DIAPH3: variants seen among roughly 807,000 people sequenced by gnomAD.
DIAPH3 encodes the protein diaphanous related formin 3.
A neutral mutation model predicts 144.3 loss-of-function variants in DIAPH3; 117 were observed. That is an observed-to-expected ratio of 0.81 (90% CI 0.70 to 0.95). DIAPH3 has a LOEUF of 0.95. Among genes scored for constraint, DIAPH3 ranks in the 40% least tolerant of loss-of-function variants. The pLI, the probability that DIAPH3 is intolerant of heterozygous loss-of-function variation, is 0.00. For synonymous variants in DIAPH3, 519 were observed against 488.9 expected (o/e 1.06, Z -0.81); for missense variants, 1,421 against 1,412.7 (o/e 1.01, Z -0.09).
At chr13:60,013,277 T>C in intron 7 of DIAPH3, 3 of 940,538 alleles carry the variant, frequency 3.2e-6, no homozygotes, top group Non-Finnish European at 3.8e-6. Context: ...GATGATGTTT[T>C]AGGTAGAGGA....
At chr13:59,833,364 C>G in intron 23 of DIAPH3, 93 bp from the exon 24 acceptor site, 1 of 946,918 alleles carries the variant, frequency 1.1e-6, no homozygotes, top group Non-Finnish European at 1.6e-6. Flanking sequence ...CTAATAGCCA[C>G]CATTACTATA....
chr13:59,977,628 C>T (rs922126886), intron 14 of DIAPH3, among the ~76,000 whole-genome samples: 17 of 151,676 alleles, frequency 1.1e-4, no homozygotes, highest in African/African-American at 4.1e-4. Flanking sequence ...CAAGCGAGAA[C>T]TGAAGGCCTT....
chr13:59,790,541 T>C (rs2039273732), intron 25 of DIAPH3, among the ~76,000 whole-genome samples: 1 of 152,236 alleles, frequency 6.6e-6, no homozygotes, highest in Non-Finnish European at 1.5e-5. Context: ...TGCAGATTTA[T>C]TCTGCCCAAA....
intron 5 of DIAPH3, among the ~76,000 whole-genome samples, chr13:60,022,137 A>G: frequency 6.6e-6 from 1 of 152,194 alleles, no homozygotes; most frequent in Non-Finnish European, 1.5e-5. Flanking sequence ...GATAAGTTCT[A>G]GGAGTTTTTG....
intron 2 of DIAPH3, among the ~76,000 whole-genome samples, chr13:60,114,256 C>A (rs1395927975): frequency 7.1e-6 from 1 of 141,208 alleles, no homozygotes. Flanking sequence ...ATTTCAGCAG[C>A]AAAGTCACAG....
chr13:60,005,844 TAATAA>T (rs2052837624), intron 9 of DIAPH3, among the ~76,000 whole-genome samples: 2 of 152,304 alleles, frequency 1.3e-5, no homozygotes, highest in South Asian at 4.1e-4. Flanking sequence ...CTAGAGCTGT[TAATAA>T]AAGAAATTAA....
At chr13:59,870,144 GA>G (rs2044169670) in intron 21 of DIAPH3, among the ~76,000 whole-genome samples, 1 of 150,156 alleles carries the variant, frequency 6.7e-6, no homozygotes, top group African/African-American at 2.4e-5. Context: ...TAATTTTTGT[GA>G]AAGATATTAG....
intron 2 of DIAPH3, among the ~76,000 whole-genome samples, chr13:60,124,300 A>C (rs562754169): frequency 2.0e-5 from 3 of 152,290 alleles, no homozygotes; most frequent in South Asian, 4.1e-4. Flanking sequence ...AGAACAAGGA[A>C]AGCCTGTATC....
At chr13:60,142,072 A>T (rs2059436997) in intron 1 of DIAPH3, among the ~76,000 whole-genome samples, 1 of 152,232 alleles carries the variant, frequency 6.6e-6, no homozygotes, top group Non-Finnish European at 1.5e-5. Context: ...GAAGTCAGTG[A>T]GAGGGAAGGA....
chr13:59,854,816 C>T (rs1200250602), intron 22 of DIAPH3, among the ~76,000 whole-genome samples: 2 of 152,116 alleles, frequency 1.3e-5, no homozygotes, highest in Non-Finnish European at 2.9e-5. Context: ...AATCTGCAAA[C>T]ACTGTAAACT....
At chr13:59,850,979 C>T (rs369422921) in intron 22 of DIAPH3, among the ~76,000 whole-genome samples, 64 of 147,666 alleles carry the variant, frequency 4.3e-4, no homozygotes, top group Middle Eastern at 6.9e-3. Flanking sequence ...CCTTCTGAAA[C>T]TATTCCAATC....
intron 7 of DIAPH3, among the ~76,000 whole-genome samples, chr13:60,014,571 G>T (rs1472414921): frequency 6.6e-6 from 1 of 152,074 alleles, no homozygotes; most frequent in South Asian, 2.1e-4. Flanking sequence ...ATAAATATTT[G>T]CTAATACATG....
chr13:59,673,499 C>G (rs2032484671), intron 27 of DIAPH3, among the ~76,000 whole-genome samples: 1 of 152,138 alleles, frequency 6.6e-6, no homozygotes, highest in Admixed American at 6.6e-5. Context: ...TGTTGGGCCC[C>G]TCAGATGAAT....
chr13:59,811,003 C>A lies in DIAPH3; in HGVS notation c.3028-80G>T, dbSNP rs955589088. The A allele has an allele frequency of 3.9e-6, 5 of 1,294,878 alleles. No homozygotes were observed. In the South Asian group the frequency reaches 6.5e-5, roughly 17 times the overall value. 80.2% of individuals were successfully genotyped at this position (1,294,878 alleles called of 1,614,324 possible). ...GGAAAGTTATCTATTTGAAAATATG[C>A]TTAAGGTAGAAACATGATTATCTTT... On this transcript the variant is annotated intron_variant, in intron 24 of 27. Transcript: ENST00000400324.
At chr13:59,845,329 A>G (rs569955312) in intron 22 of DIAPH3, among the ~76,000 whole-genome samples, 8 of 152,200 alleles carry the variant, frequency 5.3e-5, no homozygotes, top group Admixed American at 2.0e-4. Context: ...GGTGTGAGCC[A>G]CCGCGCCTGG....
chr13:59,965,935 A>T (rs2050024211), intron 17 of DIAPH3, among the ~76,000 whole-genome samples: 1 of 152,170 alleles, frequency 6.6e-6, no homozygotes, highest in Admixed American at 6.5e-5. Flanking sequence ...GAAGGTATGA[A>T]AGAGGAGGTA....
intron 27 of DIAPH3, among the ~76,000 whole-genome samples, chr13:59,682,035 G>T (rs554796115): frequency 6.6e-6 from 1 of 152,238 alleles, no homozygotes; most frequent in South Asian, 2.1e-4. Context: ...TAGTTAAAGA[G>T]AACCAGGAAT....
At chr13:59,963,598 T>C (rs1027891354) in intron 17 of DIAPH3, among the ~76,000 whole-genome samples, 3 of 151,170 alleles carry the variant, frequency 2.0e-5, no homozygotes, top group Non-Finnish European at 2.9e-5. Context: ...CTCTAGGTGA[T>C]TCCATCTCTT....
chr13:60,029,115 T>A (rs1206400692), intron 5 of DIAPH3, among the ~76,000 whole-genome samples: 1 of 150,576 alleles, frequency 6.6e-6, no homozygotes, highest in Non-Finnish European at 1.5e-5. Flanking sequence ...AGTAACAACC[T>A]CCTCCACCCC....
Sources: allele counts gnomAD v4.1 joint callset (sites outside exome capture counted in the v4.1 genomes callset), GRCh38; gene constraint gnomAD v4.1.1; transcripts MANE v1.5; gene names NCBI Gene and HGNC (gene_info 2026-07-23, HGNC 2026-07-21).